COL25A1: variants seen among roughly 807,000 people sequenced by gnomAD.
COL25A1 encodes the protein collagen type XXV alpha 1 chain.
Under a neutral mutation model 128.4 loss-of-function variants are expected in COL25A1, and 103 were observed. That is an observed-to-expected ratio of 0.80 (90% CI 0.68 to 0.94). The LOEUF (loss-of-function observed/expected upper bound fraction) is 0.94, where lower values mean the gene tolerates loss of function less well. Among genes scored for constraint, COL25A1 ranks in the 40% least tolerant of loss-of-function variants. The pLI is 0.00. For synonymous variants in COL25A1, 279 were observed against 277.2 expected (o/e 1.01, Z -0.06); for missense variants, 745 against 840.0 (o/e 0.89, Z 1.40).
intron 3 of COL25A1, among the ~76,000 whole-genome samples, chr4:109,293,738 C>A (rs1226660728): frequency 6.6e-6 from 1 of 151,972 alleles, no homozygotes; most frequent in East Asian, 1.9e-4. Flanking sequence ...AGCAACAAGA[C>A]TAAATAACAC....
intron 3 of COL25A1, among the ~76,000 whole-genome samples, chr4:109,053,361 C>T (rs1022748472): frequency 2.6e-5 from 4 of 152,172 alleles, no homozygotes; most frequent in African/African-American, 9.7e-5. Flanking sequence ...ATAACAAAGG[C>T]AAGCCTCCTA....
chr4:109,151,765 T>C (rs977632530), intron 3 of COL25A1, among the ~76,000 whole-genome samples: 1 of 152,122 alleles, frequency 6.6e-6, no homozygotes, highest in African/African-American at 2.4e-5. Flanking sequence ...GGCTTCCATG[T>C]TTCTAAAGAT....
Position 108,813,883 on chromosome 4 carries a change from T to C in COL25A1, c.*44A>G. The C allele has an allele frequency of 2.0e-6, 3 of 1,492,694 alleles. No homozygotes were observed. Among genetic ancestry groups the C allele is most frequent in the Non-Finnish European group, 2.8e-6 (3 of 1,087,948 alleles). 92.5% of individuals were successfully genotyped at this position (1,492,694 alleles called of 1,614,324 possible). On this transcript the variant is annotated 3_prime_UTR_variant, in exon 38 of 38. Coordinates refer to ENST00000399132, the MANE Select transcript of COL25A1 (RefSeq NM_198721.4). Reference sequence around the variant, plus strand: ...AGTTTTCAACTATAAATATTAAAAATGGACCCTTATATACACAACTTCATG... The same window carrying C: ...AGTTTTCAACTATAAATATTAAAAACGGACCCTTATATACACAACTTCATG...
chr4:109,039,452 A>T (rs1280340829), intron 5 of COL25A1, among the ~76,000 whole-genome samples: 6 of 152,298 alleles, frequency 3.9e-5, no homozygotes, highest in Non-Finnish European at 7.4e-5. Flanking sequence ...GGCTTTGAAA[A>T]TGCTAACCTC....
At chr4:109,092,901 T>C (rs921776791) in intron 3 of COL25A1, among the ~76,000 whole-genome samples, 7 of 152,230 alleles carry the variant, frequency 4.6e-5, no homozygotes, top group African/African-American at 1.2e-4. Flanking sequence ...TCCTTTCCTA[T>C]AGAATTGGGG....
chr4:109,269,335 T>A (rs1455776884), intron 3 of COL25A1, among the ~76,000 whole-genome samples: 9 of 148,104 alleles, frequency 6.1e-5, no homozygotes, highest in Non-Finnish European at 1.3e-4. Flanking sequence ...TCTATCATTG[T>A]TGGACATTTG....
At chr4:108,924,149 A>G (rs1745773765) in intron 11 of COL25A1, among the ~76,000 whole-genome samples, 1 of 152,208 alleles carries the variant, frequency 6.6e-6, no homozygotes, top group Non-Finnish European at 1.5e-5. Context: ...TAATTGAAGA[A>G]TTCTGCATCA....
intron 3 of COL25A1, among the ~76,000 whole-genome samples, chr4:109,167,153 A>G (rs1401216940): frequency 1.3e-5 from 2 of 152,200 alleles, no homozygotes; most frequent in East Asian, 1.9e-4. Flanking sequence ...TAAAAATCCT[A>G]TAGGAATTTG....
intron 3 of COL25A1, among the ~76,000 whole-genome samples, chr4:109,222,853 A>C (rs759436727): frequency 7.2e-5 from 11 of 152,224 alleles, no homozygotes; most frequent in Non-Finnish European, 1.3e-4. Context: ...TATTGTTTAA[A>C]TAACTCTGTC....
At chr4:109,170,724 T>C (rs1056829652) in intron 3 of COL25A1, among the ~76,000 whole-genome samples, 3 of 152,200 alleles carry the variant, frequency 2.0e-5, no homozygotes, top group African/African-American at 7.2e-5. Context: ...CACATAGTGG[T>C]ATATTTACTT....
At chr4:109,237,289 A>G (rs1456773541) in intron 3 of COL25A1, among the ~76,000 whole-genome samples, 1 of 152,108 alleles carries the variant, frequency 6.6e-6, no homozygotes, top group African/African-American at 2.4e-5. Context: ...GCTCAAATAA[A>G]TGGCACAGCT....
chr4:109,223,328 T>C (rs1778552800), intron 3 of COL25A1, among the ~76,000 whole-genome samples: 1 of 152,188 alleles, frequency 6.6e-6, no homozygotes, highest in Non-Finnish European at 1.5e-5. Flanking sequence ...ATCTTACTGT[T>C]GTGTACTCTT....
At position 109,114,278 on chromosome 4, in the gene COL25A1, G is replaced by A. The variant is rs187133526; in HGVS notation, c.368-64099C>T. On this transcript the variant is annotated intron_variant, in intron 3 of 37. Coordinates refer to ENST00000399132, the MANE Select transcript of COL25A1 (RefSeq NM_198721.4). ...CCTTTAATTATGTGCTGGCAATATC[G>A]ACATAGTTCAATATTGGCATAGTTC... Among the ~76,000 whole-genome samples, 27 of 152,056 alleles carry A rather than the reference G, an allele frequency of 1.8e-4. No homozygotes were observed. The East Asian group carries it at 3.5e-3, about 20-fold the overall frequency.
chr4:109,234,905 C>T (rs969985927), intron 3 of COL25A1, among the ~76,000 whole-genome samples: 5 of 152,058 alleles, frequency 3.3e-5, no homozygotes, highest in African/African-American at 1.2e-4. Context: ...AAAAACACTA[C>T]TGTAAATTGT....
chr4:108,973,758 A>G (rs1406910959), intron 8 of COL25A1, among the ~76,000 whole-genome samples: 1 of 152,230 alleles, frequency 6.6e-6, no homozygotes, highest in Non-Finnish European at 1.5e-5. Context: ...CAAGGTAACA[A>G]CAAAGCATTC....
At chr4:109,050,265 T>A in intron 3 of COL25A1, 86 bp from the exon 4 acceptor site, 1 of 1,003,332 alleles carries the variant, frequency 1.0e-6, no homozygotes, top group Non-Finnish European at 1.5e-6. Context: ...ATATATATTT[T>A]CTCATTGTTT....
At position 108,835,710 on chromosome 4, in the gene COL25A1, G is replaced by A. The variant is rs374947158; in HGVS notation, c.1657-3277C>T. Among the ~76,000 whole-genome samples the A allele has an allele frequency of 3.4e-5, 5 of 147,218 alleles. No homozygotes were observed. The South Asian group carries it at 6.5e-4, about 19-fold the overall frequency. On this transcript the variant is annotated intron_variant, in intron 31 of 37. Transcript: ENST00000399132. ...GCTGGGATTACAGGCATGCGCCATC[G>A]CACCCGGCTAATTTTTGTTTTTAGT... is the stretch of plus-strand genomic sequence containing the variant.
intron 3 of COL25A1, among the ~76,000 whole-genome samples, chr4:109,065,886 T>C (rs1762408859): frequency 6.6e-6 from 1 of 152,140 alleles, no homozygotes; most frequent in Non-Finnish European, 1.5e-5. Flanking sequence ...TGAAATGCAA[T>C]ATGGTCAGAT....
intron 3 of COL25A1, among the ~76,000 whole-genome samples, chr4:109,204,580 G>A (rs1483323493): frequency 6.6e-6 from 1 of 152,098 alleles, no homozygotes; most frequent in Admixed American, 6.6e-5. Flanking sequence ...GAGATTAAAT[G>A]ACCAATTATG....
Sources: gnomAD v4.1 joint callset for allele counts (sites outside exome capture counted in the v4.1 genomes callset) on GRCh38, gnomAD v4.1.1 for gene constraint, MANE v1.5 for transcripts, NCBI Gene and HGNC (gene_info 2026-07-23, HGNC 2026-07-21) for gene names.